WHRN: variants seen among roughly 807,000 people sequenced by gnomAD.
WHRN encodes the protein whirlin.
WHRN carries 41 observed loss-of-function variants against 68.3 expected under a neutral mutation model. The ratio of observed to expected loss-of-function variants is 0.60; its 90% confidence interval spans 0.47 to 0.78. The LOEUF (loss-of-function observed/expected upper bound fraction) is 0.78. WHRN is among the 30% of genes least tolerant of loss of function. WHRN has a pLI of 0.00. For missense variants in WHRN, 1,243 were observed against 1,244.7 expected (o/e 1.00, Z 0.02); for synonymous variants, 560 against 561.3 (o/e 1.00, Z 0.03).
chr9:114,409,599 G>A (rs1458451584), intron 7 of WHRN, among the ~76,000 whole-genome samples: 1 of 152,126 alleles, frequency 6.6e-6, no homozygotes, highest in Non-Finnish European at 1.5e-5. Flanking sequence ...ATGTGGTCAA[G>A]TTTGCCTTCT....
rs577054052 is a variant in WHRN at position 114,457,860 on chromosome 9, G to A, written c.963+8407C>T. 4.7e-4 allele frequency among the ~76,000 whole-genome samples: 71 copies of A among 150,212 alleles called. 1 individual carries two copies. The highest frequency in any genetic ancestry group is 6.2e-4 in the Non-Finnish European group (42 of 67,852). Reference sequence around the variant, plus strand: ...GAACCCAGGAGGCAGAGGTTGCAGTGAGCCAAGATGGTGCCGCTGCACTCC... The same window carrying A: ...GAACCCAGGAGGCAGAGGTTGCAGTAAGCCAAGATGGTGCCGCTGCACTCC... On this transcript the variant is annotated intron_variant, in intron 3 of 11. Coordinates refer to ENST00000362057, the MANE Select transcript of WHRN (RefSeq NM_015404.4).
Position 114,403,899 on chromosome 9 carries a change from T to C in WHRN, c.2415A>G (p.Lys805=). 6.2e-7 allele frequency: 1 copy of C among 1,610,454 alleles called. No homozygotes were observed. The highest frequency in any genetic ancestry group is 8.5e-7 in the Non-Finnish European group (1 of 1,179,958). Residue 805 remains lysine, a synonymous_variant, in exon 10 of 12, where the codon AAA becomes AAG. Coordinates refer to ENST00000362057, the MANE Select transcript of WHRN (RefSeq NM_015404.4). ...RNERPTDGAN[K]PPGLLEPTST... is the part of the protein sequence containing the mutation. ...CATCCTCCTCCTCCTGGCTCACCGG[T>C]TTGTTGGCCCCATCTGTGGGCCTCT...
At chr9:114,439,698 T>C (rs1162123489) in intron 3 of WHRN, among the ~76,000 whole-genome samples, 1 of 152,186 alleles carries the variant, frequency 6.6e-6, no homozygotes, top group Non-Finnish European at 1.5e-5. Context: ...CAGTTGACCC[T>C]TGAACAATAT....
chr9:114,426,537 G>C, intron 3 of WHRN, 124 bp from the exon 4 acceptor site: 1 of 1,078,260 alleles, frequency 9.3e-7, no homozygotes, highest in East Asian at 2.4e-5. Context: ...CAGGATCAGA[G>C]AGGATGTGAG....
intron 1 of WHRN, among the ~76,000 whole-genome samples, chr9:114,497,864 A>G (rs1275573133): frequency 6.6e-6 from 1 of 152,306 alleles, no homozygotes; most frequent in Admixed American, 6.5e-5. Context: ...TTTGCTCCCC[A>G]CAGCCACCTG....
chr9:114,418,978 T>C (rs765250398), intron 7 of WHRN, among the ~76,000 whole-genome samples: 1 of 152,118 alleles, frequency 6.6e-6, no homozygotes, highest in Non-Finnish European at 1.5e-5. Flanking sequence ...AAAATGTACA[T>C]AGCACACAGT....
chr9:114,467,190 C>T (rs1840785407), intron 2 of WHRN, among the ~76,000 whole-genome samples: 2 of 152,084 alleles, frequency 1.3e-5, no homozygotes, highest in Admixed American at 1.3e-4. Context: ...TCTGCTGTCT[C>T]CCCAGGGGTC....
intron 9 of WHRN, 125 bp from the exon 10 acceptor site, chr9:114,404,202 G>A: frequency 9.5e-7 from 1 of 1,054,734 alleles, no homozygotes; most frequent in Non-Finnish European, 1.4e-6. Context: ...GATGGGGGAA[G>A]GAATGAAGAG....
intron 1 of WHRN, among the ~76,000 whole-genome samples, chr9:114,495,647 A>C (rs978008302): frequency 6.6e-6 from 1 of 152,118 alleles, no homozygotes; most frequent in African/African-American, 2.4e-5. Flanking sequence ...GGAAAGAGGA[A>C]TTTGAGGGAG....
At chr9:114,411,999 GCTA>G (rs1434380696) in intron 7 of WHRN, among the ~76,000 whole-genome samples, 1 of 152,240 alleles carries the variant, frequency 6.6e-6, no homozygotes, top group East Asian at 1.9e-4. Context: ...CTCATTCCCT[GCTA>G]CTAACTGCAT....
At chr9:114,463,041 A>C (rs565994450) in intron 3 of WHRN, among the ~76,000 whole-genome samples, 8 of 152,230 alleles carry the variant, frequency 5.3e-5, no homozygotes, top group Non-Finnish European at 7.3e-5. Context: ...CTCACCACCA[A>C]CAACGTTACG....
rs552531264 is a variant in WHRN at position 114,409,937 on chromosome 9, C to T, written c.1627-1919G>A. On this transcript the variant is annotated intron_variant, in intron 7 of 11. Coordinates refer to ENST00000362057, the MANE Select transcript of WHRN (RefSeq NM_015404.4). ...AGGTCTCTCTGCAGCTCAGGACCCC[C>T]AAGGGCCTCTTCATCTCAGTTGGAG... Among the ~76,000 whole-genome samples the T allele has an allele frequency of 2.0e-5, 3 of 152,218 alleles. No individual in the cohort carries two copies. The South Asian group carries it at 6.2e-4, about 32-fold the overall frequency.
intron 3 of WHRN, among the ~76,000 whole-genome samples, chr9:114,443,960 G>A (rs1349691489): frequency 6.6e-6 from 1 of 152,122 alleles, no homozygotes; most frequent in Admixed American, 6.5e-5. Flanking sequence ...CAAGCAAAAG[G>A]GGAAACCCCT....
chr9:114,479,761 G>A (rs1841957351), intron 1 of WHRN, among the ~76,000 whole-genome samples: 1 of 152,140 alleles, frequency 6.6e-6, no homozygotes. Flanking sequence ...CCCACACAGT[G>A]AGTAAGAAGT....
chr9:114,425,586 G>GACGGAGACACACAC (rs1554719346), intron 4 of WHRN: 6 of 153,158 alleles, frequency 3.9e-5, no homozygotes, highest in African/African-American at 1.6e-4. Flanking sequence ...GGAAGGGGGA[G>GACGGAGACACACAC]ACACACACAC....
intron 1 of WHRN, chr9:114,491,692 A>ACGC: frequency 3.9e-6 from 1 of 253,182 alleles, no homozygotes; most frequent in South Asian, 7.8e-5. Flanking sequence ...CTTGGAGATC[A>ACGC]TGCAGCAGAA....
At chr9:114,475,045 G>A (rs1484369465) in intron 2 of WHRN, among the ~76,000 whole-genome samples, 3 of 152,190 alleles carry the variant, frequency 2.0e-5, no homozygotes, top group African/African-American at 7.2e-5. Flanking sequence ...CTGGTGCACT[G>A]TTGGTGGGAA....
At chr9:114,446,354 G>A (rs188332011) in intron 3 of WHRN, among the ~76,000 whole-genome samples, 1 of 127,648 alleles carries the variant, frequency 7.8e-6, no homozygotes, top group East Asian at 2.2e-4. Context: ...AGGGAGGAAT[G>A]GGGAGTGATG....
At chr9:114,462,941 C>T (rs1840366307) in intron 3 of WHRN, among the ~76,000 whole-genome samples, 2 of 152,168 alleles carry the variant, frequency 1.3e-5, no homozygotes, top group Admixed American at 1.3e-4. Context: ...GGGCGAGATG[C>T]TCAGTGCTCG....
Sources: allele counts gnomAD v4.1 joint callset (sites outside exome capture counted in the v4.1 genomes callset), GRCh38; gene constraint gnomAD v4.1.1; transcripts MANE v1.5; gene names NCBI Gene and HGNC (gene_info 2026-07-23, HGNC 2026-07-21).